The following ZNF41 variants were observed in gnomAD, a reference collection of about 807,000 sequenced individuals.
ZNF41 encodes zinc finger protein 41.
Under a neutral mutation model 9.3 loss-of-function variants are expected in ZNF41, and 6 were observed. That is an observed-to-expected ratio of 0.65 (90% CI 0.35 to 1.28). ZNF41 has a LOEUF of 1.28. Ranked by LOEUF, ZNF41 falls within the 50% of genes most tolerant of loss-of-function variation. ZNF41 has a pLI of 0.03. For missense variants in ZNF41, 523 were observed against 585.8 expected (o/e 0.89, Z 1.11); for synonymous variants, 192 against 207.1 (o/e 0.93, Z 0.63).
At chrX:47,470,065 A>G (rs1337157466) in intron 1 of ZNF41, among the ~76,000 whole-genome samples, 1 of 111,267 alleles carries the variant, frequency 9.0e-6, no homozygotes, top group African/African-American at 3.3e-5. Context: ...TTAAAAAATA[A>G]TCAAAATTCC....
rs758443040 is a variant in ZNF41, at chrX:47,448,875, G to C, written c.895C>G (p.Arg299Gly). ...HQRIHAGEKSRECDKSNKVFP... is the reference protein window; with the variant it reads ...HQRIHAGEKSGECDKSNKVFP... ...ACTTTGTTGCTTTTGTCACATTCAC[G>C]GGACTTTTCTCCAGCATGAATTCTC... Residue 299 changes from arginine to glycine, a missense_variant, in exon 5 of 5, where the codon CGT (arginine) becomes GGT (glycine). Arg to Gly is a moderately radical substitution (Grantham distance 125). Coordinates refer to ENST00000684689, the MANE Select transcript of ZNF41 (RefSeq NM_001324144.2). 1 of 1,209,284 alleles carries C rather than the reference G, an allele frequency of 8.3e-7. No individual in the cohort carries two copies. Among genetic ancestry groups the C allele is most frequent in the South Asian group, 1.8e-5 (1 of 56,779 alleles).
intron 2 of ZNF41, among the ~76,000 whole-genome samples, chrX:47,466,298 G>C (rs776792915): frequency 2.7e-5 from 3 of 111,345 alleles, no homozygotes; most frequent in Non-Finnish European, 5.7e-5. Flanking sequence ...TCCACAGGTA[G>C]GTCTGAAAGG....
intron 2 of ZNF41, among the ~76,000 whole-genome samples, chrX:47,464,121 T>C (rs1488787936): frequency 9.0e-6 from 1 of 111,294 alleles, no homozygotes; most frequent in Non-Finnish European, 1.9e-5. Flanking sequence ...GGTTCCTCTA[T>C]TTCCTGATAC....
In ZNF41 at chrX:47,448,682, G is replaced by C. The variant is rs868448414; in HGVS notation, c.1088C>G (p.Ala363Gly). The change falls in exon 5 of 5, where the codon GCC becomes GGC. Residue 363 changes from alanine (A) to glycine (G), a missense_variant. By Grantham distance (60) the Ala-to-Gly change is moderately conservative (BLOSUM62 0). Coordinates refer to ENST00000684689, the MANE Select transcript of ZNF41 (RefSeq NM_001324144.2). ...KPYKCSECGK[A>G]FFQRSDLFRH... ...AAAGAGGTCTGATCTCTGGAAAAAG[G>C]CTTTTCCACATTCACTGCATTTGTA... is the stretch of plus-strand genomic sequence containing the variant. 1 of 1,211,382 alleles carries C rather than the reference G, an allele frequency of 8.3e-7. No homozygotes were observed. The highest frequency in any genetic ancestry group is 1.1e-6 in the Non-Finnish European group (1 of 895,346).
chrX:47,479,760 A>G lies in ZNF41; in HGVS notation c.-280+3335T>C, dbSNP rs2057424199. Among the ~76,000 whole-genome samples the G allele has an allele frequency of 3.6e-5, 4 of 110,814 alleles. No homozygotes were observed. The South Asian group carries it at 1.5e-3, about 41-fold the overall frequency. ...AGAAAACTATAAAAATTATAGTTTT[A>G]GTGGTTATTTTTGAAACTAGATAAA... is the stretch of plus-strand genomic sequence containing the variant. On this transcript the variant is annotated intron_variant, in intron 1 of 4. Transcript: ENST00000684689.
chrX:47,483,105 C>T lies in ZNF41; in HGVS notation c.-290G>A, dbSNP rs1197624448. Among the ~76,000 whole-genome samples, 1 of 112,625 alleles carries T rather than the reference C, an allele frequency of 8.9e-6. No homozygotes were observed. Among genetic ancestry groups the T allele is most frequent in the Non-Finnish European group, 1.9e-5 (1 of 53,176 alleles). Reference sequence around the variant, plus strand: ...GCGTCTGGAGCCCACCTGGCGGCCCCACTGGCTACATTTCCGACCTGGACC... The same window carrying T: ...GCGTCTGGAGCCCACCTGGCGGCCCTACTGGCTACATTTCCGACCTGGACC... On this transcript the variant is annotated 5_prime_UTR_variant, in exon 1 of 5. Coordinates refer to ENST00000684689, the MANE Select transcript of ZNF41 (RefSeq NM_001324144.2).
Position 47,450,151 on chromosome X carries a change from G to C in ZNF41, c.296-677C>G, listed in dbSNP as rs767236656. On this transcript the variant is annotated intron_variant, in intron 4 of 4. Transcript: ENST00000684689. The stretch of plus-strand genomic sequence containing the variant: ...AGTTGCAACATGCCATCCTGACATA[G>C]ACAAACAGTAAATAGACATTTGCAC... Among the ~76,000 whole-genome samples, 3 of 111,538 alleles carry C rather than the reference G, an allele frequency of 2.7e-5. No homozygotes were observed. The South Asian group carries it at 1.1e-3, about 42-fold the overall frequency.
At chrX:47,475,231 C>T (rs1445349546) in intron 1 of ZNF41, among the ~76,000 whole-genome samples, 1 of 109,322 alleles carries the variant, frequency 9.1e-6, no homozygotes, top group Non-Finnish European at 1.9e-5. Context: ...AAAAAAGAAG[C>T]TATTGCCACA....
At chrX:47,460,524 G>A (rs779682157) in intron 2 of ZNF41, among the ~76,000 whole-genome samples, 1 of 111,492 alleles carries the variant, frequency 9.0e-6, no homozygotes, top group East Asian at 2.8e-4. Context: ...TCAACAAAGG[G>A]CTCAGCTAGA....
chrX:47,448,033 A>G lies in ZNF41; in HGVS notation c.1737T>C (p.Tyr579=), dbSNP rs781456375. 1.7e-6 allele frequency: 2 copies of G among 1,211,840 alleles called. No homozygotes were observed. The highest frequency in any genetic ancestry group is 4.3e-5 in the Admixed American group (2 of 45,987). ...HQKSHIGERH[Y]ECKDCGKAFI... ...AGGCTTTCCCGCAGTCCTTGCATTC[A>G]TAGTGTCTCTCTCCAATATGAGATT... The change falls in exon 5 of 5, where the codon TAT becomes TAC. Residue 579 remains tyrosine (Y), a synonymous_variant. Coordinates refer to ENST00000684689, the MANE Select transcript of ZNF41 (RefSeq NM_001324144.2).
chrX:47,456,874 CA>C (rs1160764522), intron 2 of ZNF41, among the ~76,000 whole-genome samples: 4 of 111,143 alleles, frequency 3.6e-5, no homozygotes, highest in African/African-American at 1.3e-4. Flanking sequence ...AAGGGAGAAG[CA>C]TGAGCAACAG....
At chrX:47,476,453 G>C (rs1054709282) in intron 1 of ZNF41, among the ~76,000 whole-genome samples, 1 of 111,927 alleles carries the variant, frequency 8.9e-6, no homozygotes, top group Non-Finnish European at 1.9e-5. Context: ...AGATTATCTA[G>C]AGAACTCTTA....
intron 4 of ZNF41, among the ~76,000 whole-genome samples, chrX:47,455,503 T>C (rs367957848): frequency 5.4e-5 from 6 of 110,385 alleles, no homozygotes; most frequent in African/African-American, 2.0e-4. Context: ...GAGGATCGCT[T>C]GAACCTGGGA....
chrX:47,465,479 T>C (rs918376184), intron 2 of ZNF41, among the ~76,000 whole-genome samples: 2 of 112,468 alleles, frequency 1.8e-5, no homozygotes, highest in African/African-American at 6.5e-5. Context: ...ATTAGGTTGA[T>C]TTAAATATTC....
chrX:47,472,541 C>T (rs997533028), intron 1 of ZNF41, among the ~76,000 whole-genome samples: 1 of 100,631 alleles, frequency 9.9e-6, no homozygotes, highest in South Asian at 4.7e-4. Context: ...AGGGTTCAAG[C>T]GATTCTCCTG....
intron 1 of ZNF41, among the ~76,000 whole-genome samples, chrX:47,473,014 C>A (rs980466232): frequency 3.6e-5 from 4 of 110,111 alleles, no homozygotes; most frequent in Non-Finnish European, 5.7e-5. Flanking sequence ...AGCCACTGCG[C>A]CTGGCCTACA....
At chrX:47,468,893 G>T (rs2057077540) in intron 1 of ZNF41, among the ~76,000 whole-genome samples, 1 of 111,605 alleles carries the variant, frequency 9.0e-6, no homozygotes, top group Non-Finnish European at 1.9e-5. Flanking sequence ...AATGGCACTA[G>T]ATTTATTTGC....
At chrX:47,470,307 G>A (rs925516445) in intron 1 of ZNF41, among the ~76,000 whole-genome samples, 1 of 108,049 alleles carries the variant, frequency 9.3e-6, no homozygotes, top group African/African-American at 3.4e-5. Context: ...AGCTACTCAG[G>A]AGGTTGAGGC....
intron 1 of ZNF41, among the ~76,000 whole-genome samples, chrX:47,472,502 G>A (rs1195914810): frequency 1.1e-5 from 1 of 93,508 alleles, no homozygotes; most frequent in Non-Finnish European, 2.1e-5. Flanking sequence ...GCAGTGGTGA[G>A]ATCTTGGCTC....
Sources: allele counts gnomAD v4.1 joint callset (sites outside exome capture counted in the v4.1 genomes callset), GRCh38; gene constraint gnomAD v4.1.1; transcripts MANE v1.5; gene names NCBI Gene and HGNC (gene_info 2026-07-23, HGNC 2026-07-21).